The following ARSB variants were observed in gnomAD, a reference collection of about 807,000 sequenced individuals.
ARSB encodes N-acetylgalactosamine-4-sulfatase.
Under a neutral mutation model 50.9 loss-of-function variants are expected in ARSB, and 41 were observed. The observed-to-expected ratio is 0.81, with a 90% CI of 0.63 to 1.04. The LOEUF (loss-of-function observed/expected upper bound fraction) is 1.04, where lower values mean the gene tolerates loss of function less well. ARSB is among the 50% of genes least tolerant of loss of function. The pLI is 0.00. For missense variants in ARSB, 672 were observed against 693.3 expected (o/e 0.97, Z 0.35); for synonymous variants, 269 against 284.8 (o/e 0.94, Z 0.56).
At chr5:78,898,193 G>C (rs1041553213) in intron 4 of ARSB, among the ~76,000 whole-genome samples, 1 of 152,126 alleles carries the variant, frequency 6.6e-6, no homozygotes, top group Non-Finnish European at 1.5e-5. Flanking sequence ...GCTTGAACCC[G>C]GGAGGCAAAG....
intron 5 of ARSB, chr5:78,883,641 G>T (rs1477014092): frequency 6.6e-6 from 1 of 152,160 alleles, no homozygotes; most frequent in Non-Finnish European, 1.5e-5. Flanking sequence ...AGGTTATAAA[G>T]CTAATTAAAT....
At chr5:78,978,091 C>T (rs1396293160) in intron 1 of ARSB, among the ~76,000 whole-genome samples, 1 of 152,180 alleles carries the variant, frequency 6.6e-6, no homozygotes, top group Non-Finnish European at 1.5e-5. Context: ...ATAATCCCAA[C>T]ACTTTGGGAG....
Position 78,809,190 on chromosome 5 carries a change from G to A in ARSB, c.1214-27216C>T, listed in dbSNP as rs566561131. Among the ~76,000 whole-genome samples the A allele has an allele frequency of 3.3e-5, 5 of 152,322 alleles. No homozygotes were observed. In the South Asian group the frequency reaches 8.3e-4, roughly 25 times the overall value. Reference sequence around the variant, plus strand: ...GAGCTACAGGTGCATAGAACACGCTGAGCGGGCACCGAGGGGGTTGCAATC... The same window carrying A: ...GAGCTACAGGTGCATAGAACACGCTAAGCGGGCACCGAGGGGGTTGCAATC... On this transcript the variant is annotated intron_variant, in intron 6 of 7. Coordinates refer to ENST00000264914, the MANE Select transcript of ARSB (RefSeq NM_000046.5).
intron 4 of ARSB, among the ~76,000 whole-genome samples, chr5:78,907,131 A>G (rs867122370): frequency 5.9e-5 from 9 of 152,146 alleles, no homozygotes; most frequent in Admixed American, 2.6e-4. Context: ...AAAACTGGGG[A>G]ATTAGAGGTG....
intron 6 of ARSB, among the ~76,000 whole-genome samples, chr5:78,828,819 C>G (rs1168463760): frequency 2.0e-5 from 3 of 152,128 alleles, no homozygotes; most frequent in Admixed American, 6.5e-5. Flanking sequence ...GGCATTCAGG[C>G]TGCAGATGGA....
intron 6 of ARSB, among the ~76,000 whole-genome samples, chr5:78,834,124 G>T (rs1372796698): frequency 6.6e-6 from 1 of 152,140 alleles, no homozygotes; most frequent in Admixed American, 6.6e-5. Flanking sequence ...ACGATGTTAG[G>T]TTCTGTGCTA....
chr5:78,852,850 A>G (rs1238926734), intron 5 of ARSB, among the ~76,000 whole-genome samples: 2 of 151,676 alleles, frequency 1.3e-5, no homozygotes, highest in Non-Finnish European at 1.5e-5. Flanking sequence ...TGATTGCATC[A>G]GCTCCTGAGG....
chr5:78,885,193 T>C (rs1747951536), intron 5 of ARSB: 1 of 256,222 alleles, frequency 3.9e-6, no homozygotes, highest in Admixed American at 4.9e-5. Flanking sequence ...GAAATAAACA[T>C]ATCCCTAGTT....
rs1037862169 is a variant in ARSB at position 78,870,646 on chromosome 5, G to A, written c.1142+14938C>T. 7.3e-5 allele frequency among the ~76,000 whole-genome samples: 11 copies of A among 151,202 alleles called. No individual in the cohort carries two copies. The Admixed American group carries it at 7.3e-4, about 10-fold the overall frequency. On this transcript the variant is annotated intron_variant, in intron 5 of 7. Coordinates refer to ENST00000264914, the MANE Select transcript of ARSB (RefSeq NM_000046.5). Reference sequence around the variant, plus strand: ...ATGTTAAAAACTCTCAATAAATTAGGTATTGATGGGACGTATTTCAAAATA... The same window carrying A: ...ATGTTAAAAACTCTCAATAAATTAGATATTGATGGGACGTATTTCAAAATA...
rs190274592 is a variant in ARSB at position 78,884,722 on chromosome 5, T to C, written c.1142+862A>G. ...TGTACAAGTCTACTAATATATTATG[T>C]GTCTTAAAAAACATATACTTTAAAA... On this transcript the variant is annotated intron_variant, in intron 5 of 7. Coordinates refer to ENST00000264914, the MANE Select transcript of ARSB (RefSeq NM_000046.5). 1.8e-3 allele frequency: 276 copies of C among 152,360 alleles called. 2 individuals are homozygous for C. The highest frequency in any genetic ancestry group is 6.3e-3 in the African/African-American group (261 of 41,584). The allele number at this position is 152,360 out of a possible 1,614,324, so 9.4% of individuals were successfully genotyped here.
At chr5:78,851,054 T>G (rs1438151864) in intron 5 of ARSB, among the ~76,000 whole-genome samples, 2 of 152,246 alleles carry the variant, frequency 1.3e-5, no homozygotes, top group Non-Finnish European at 2.9e-5. Flanking sequence ...TGTGCCTCTA[T>G]CTCCTTCAGT....
intron 1 of ARSB, among the ~76,000 whole-genome samples, chr5:78,974,079 G>A (rs1190149192): frequency 1.3e-5 from 2 of 152,148 alleles, no homozygotes; most frequent in African/African-American, 2.4e-5. Context: ...TTTTAATCAC[G>A]GTCAAGTAAC....
At chr5:78,886,651 A>C (rs1748050553) in intron 4 of ARSB, among the ~76,000 whole-genome samples, 1 of 152,176 alleles carries the variant, frequency 6.6e-6, no homozygotes, top group South Asian at 2.1e-4. Flanking sequence ...AGTAGAAAAG[A>C]AAAAGTGCCA....
chr5:78,918,549 GCA>G (rs71001139), intron 4 of ARSB, among the ~76,000 whole-genome samples: 74 of 149,902 alleles, frequency 4.9e-4, no homozygotes, highest in Non-Finnish European at 8.9e-4. Context: ...AATATCATGT[GCA>G]CACACACACA....
At position 78,780,580 on chromosome 5, in the gene ARSB, C is replaced by T. The variant is rs1234650208; in HGVS notation, c.1419G>A (p.Trp473Ter). 1 of 1,613,936 alleles carries T rather than the reference C, an allele frequency of 6.2e-7. No individual in the cohort carries two copies. The highest frequency in any genetic ancestry group is 8.5e-7 in the Non-Finnish European group (1 of 1,180,020). ...CAGGGTCCCGATCAATATCAAAGAG[C>T]CAGAGGGTCTTGGTTGGTGGGTCTG... ...PSSDPPTKTL[W>*]LFDIDRDPEE... is the part of the protein sequence containing the mutation. The change falls in exon 8 of 8, where the codon TGG (tryptophan) becomes TGA (stop). Residue 473 changes from tryptophan to a stop codon, truncating the protein, a stop_gained. Transcript: ENST00000264914. LOFTEE classifies it high-confidence loss of function.
At chr5:78,867,664 A>G (rs539225591) in intron 5 of ARSB, among the ~76,000 whole-genome samples, 3 of 152,218 alleles carry the variant, frequency 2.0e-5, no homozygotes, top group Non-Finnish European at 4.4e-5. Flanking sequence ...CCATCTGTAC[A>G]TCACCATCAT....
chr5:78,803,608 C>T (rs2112648762), intron 6 of ARSB, among the ~76,000 whole-genome samples: 1 of 152,324 alleles, frequency 6.6e-6, no homozygotes, highest in East Asian at 1.9e-4. Context: ...CAGTGGCATC[C>T]AAGTTCCCAC....
chr5:78,964,045 A>C (rs1473269020), intron 3 of ARSB, among the ~76,000 whole-genome samples: 1 of 152,160 alleles, frequency 6.6e-6, no homozygotes, highest in East Asian at 1.9e-4. Flanking sequence ...CATTTTATTA[A>C]TTACTCACAG....
At chr5:78,971,762 G>A (rs1367428448) in intron 1 of ARSB, among the ~76,000 whole-genome samples, 1 of 152,174 alleles carries the variant, frequency 6.6e-6, no homozygotes, top group African/African-American at 2.4e-5. Context: ...TTAAGTTAAA[G>A]TGGGTTTATC....
Sources: allele counts gnomAD v4.1 joint callset (sites outside exome capture counted in the v4.1 genomes callset), GRCh38; gene constraint gnomAD v4.1.1; transcripts MANE v1.5; gene names NCBI Gene and HGNC (gene_info 2026-07-23, HGNC 2026-07-21).